The following KCNQ2 variants were observed in gnomAD, a reference collection of about 807,000 sequenced individuals.
The protein encoded by KCNQ2 is potassium voltage-gated channel subfamily KQT member 2.
Under a neutral mutation model 84.8 loss-of-function variants are expected in KCNQ2, and 14 were observed. The observed-to-expected ratio is 0.17, with a 90% CI of 0.11 to 0.26. KCNQ2 has a LOEUF of 0.26. Ranked by LOEUF, KCNQ2 falls within the 10% of genes least tolerant of loss-of-function variation. KCNQ2 has a pLI of 1.00. For synonymous variants in KCNQ2, 599 were observed against 554.1 expected (o/e 1.08, Z -1.14); for missense variants, 788 against 1,254.0 (o/e 0.63, Z 5.61).
intron 12 of KCNQ2, 30 bp from the exon 13 acceptor site, chr20:63,415,156 G>GACAGACAT (rs2145558515): frequency 6.3e-7 from 1 of 1,575,528 alleles, no homozygotes; most frequent in East Asian, 2.2e-5. Context: ...CAGACAGACA[G>GACAGACAT]AAAAACAGGG....
At chr20:63,433,591 A>G (rs2080894321) in intron 8 of KCNQ2, 4 of 842,174 alleles carry the variant, frequency 4.7e-6, no homozygotes, top group Non-Finnish European at 7.3e-6. Flanking sequence ...GATAAAGCAA[A>G]GGGGTGAGGA....
chr20:63,450,540 GGGGGAAGACTGCTGGGGGT>G (rs1429903370), intron 1 of KCNQ2, among the ~76,000 whole-genome samples: 6 of 104,500 alleles, frequency 5.7e-5, no homozygotes, highest in East Asian at 2.7e-4. Flanking sequence ...GCTGGGGGGT[GGGGGAAGACTGCTGGGGGT>G]GGGGGAAGAC....
At chr20:63,453,806 C>T (rs2081690134) in intron 1 of KCNQ2, 1 of 152,298 alleles carries the variant, frequency 6.6e-6, no homozygotes, top group Non-Finnish European at 1.5e-5. Flanking sequence ...CTGGGGAGGC[C>T]TGGCGAGAGA....
chr20:63,411,805 G>A, intron 15 of KCNQ2: 1 of 665,852 alleles, frequency 1.5e-6, no homozygotes, highest in Non-Finnish European at 2.7e-6. Flanking sequence ...CTCTCTCGGA[G>A]GGGCCGTGGG....
rs1397030117 is a variant in KCNQ2 at position 63,406,546 on chromosome 20, T to C, written c.*98A>G. 1.5e-6 allele frequency: 2 copies of C among 1,373,728 alleles called. No homozygotes were observed. The highest frequency in any genetic ancestry group is 1.9e-6 in the Non-Finnish European group (2 of 1,039,110). 85.1% of individuals were successfully genotyped at this position (1,373,728 alleles called of 1,614,324 possible). ...GGCCCACCCTTCCCGCCACACTCAG[T>C]TACTGTAAGAAAAGGGCCCCAGAGG... On this transcript the variant is annotated 3_prime_UTR_variant, in exon 17 of 17. Transcript: ENST00000359125.
intron 10 of KCNQ2, among the ~76,000 whole-genome samples, chr20:63,426,991 C>T (rs1431753583): frequency 2.0e-5 from 3 of 152,206 alleles, no homozygotes; most frequent in Non-Finnish European, 4.4e-5. Flanking sequence ...GAGGCCGAGA[C>T]GGGCAGAGCC....
Position 63,443,108 on chromosome 20 carries a change from C to T in KCNQ2, c.691-577G>A, listed in dbSNP as rs867956624. ...ACCATTATCACCACCATCACCATCA[C>T]CACCACCACTATCACCACCACCACC... is the stretch of plus-strand genomic sequence containing the variant. On this transcript the variant is annotated intron_variant, in intron 4 of 16. Coordinates refer to ENST00000359125, the MANE Select transcript of KCNQ2 (RefSeq NM_172107.4). Among the ~76,000 whole-genome samples the T allele has an allele frequency of 1.6e-3, 89 of 55,928 alleles. 4 individuals carry two copies. The highest frequency in any genetic ancestry group is 0.014 in the East Asian group (16 of 1,144). The allele number at this position is 55,928 out of a possible 152,430, so 36.7% of individuals were successfully genotyped here.
intron 10 of KCNQ2, among the ~76,000 whole-genome samples, chr20:63,426,553 A>C (rs954898695): frequency 6.6e-6 from 1 of 150,884 alleles, no homozygotes; most frequent in Non-Finnish European, 1.5e-5. Context: ...GCTGCTCTGA[A>C]TCTCCCTGTT....
rs747215441 is a variant in KCNQ2, at chr20:63,406,930, T to A, written c.2333A>T (p.Glu778Val). The A allele has an allele frequency of 1.9e-6, 3 of 1,601,126 alleles. No homozygotes were observed. Among genetic ancestry groups the A allele is most frequent in the Non-Finnish European group, 2.6e-6 (3 of 1,176,250 alleles). The change falls in exon 17 of 17, where the codon GAG (glutamate) becomes GTG (valine). Residue 778 changes from glutamate to valine, a missense_variant. By Grantham distance (121) the Glu-to-Val change is moderately radical. This residue lies in a region of KCNQ2 where 378 missense variants were observed against 434.5 expected (regional missense o/e 0.87). Coordinates refer to ENST00000359125, the MANE Select transcript of KCNQ2 (RefSeq NM_172107.4). The stretch of plus-strand genomic sequence containing the variant: ...CGTGTCGCTGTCCCGCAGGTTCCCC[T>A]CGGGGGGCCTGCAGCCCGGGGTGTC... Reference protein sequence around the residue: ...QEDTPGCRPPEGNLRDSDTSI... With the variant: ...QEDTPGCRPPVGNLRDSDTSI...
Position 63,401,124 on chromosome 20 carries a change from C to T in KCNQ2, c.*5520G>A. 2.7e-6 allele frequency: 1 copy of T among 369,732 alleles called. No individual in the cohort carries two copies. Among genetic ancestry groups the T allele is most frequent in the Non-Finnish European group, 4.8e-6 (1 of 208,006 alleles). 22.9% of individuals were successfully genotyped at this position (369,732 alleles called of 1,614,324 possible). Reference sequence around the variant, plus strand: ...GCCAGAGCCAGTCTCCTCGGCCAGCCAGGGGCACCACGGCAAGTGTCCAAG... The same window carrying T: ...GCCAGAGCCAGTCTCCTCGGCCAGCTAGGGGCACCACGGCAAGTGTCCAAG... On this transcript the variant is annotated 3_prime_UTR_variant, in exon 17 of 17. Coordinates refer to ENST00000359125, the MANE Select transcript of KCNQ2 (RefSeq NM_172107.4).
At chr20:63,428,913 T>C (rs1469875103) in intron 9 of KCNQ2, among the ~76,000 whole-genome samples, 1 of 152,140 alleles carries the variant, frequency 6.6e-6, no homozygotes, top group Non-Finnish European at 1.5e-5. Flanking sequence ...AGGATTCTGC[T>C]TGGCAAAGAG....
rs769646940 is a variant in KCNQ2 at position 63,407,244 on chromosome 20, C to T, written c.2019G>A (p.Pro673=). Residue 673 remains proline (P), a synonymous_variant, in exon 17 of 17, where the codon CCG becomes CCA. Transcript: ENST00000359125. The surrounding 1 kb of genome is among the most constrained non-coding windows in gnomAD (Gnocchi z 7.2). ...TGTCGACATGCTCCCGGCTGTCTTC[C>T]GGGCTGTGGTACGGCGGCGCCGGCT... The part of the protein sequence containing the change: ...EPEPAPPYHS[P]EDSREHVDRH... 1.2e-5 allele frequency: 20 copies of T among 1,601,908 alleles called. No individual in the cohort carries two copies. Among genetic ancestry groups the T allele is most frequent in the Non-Finnish European group, 1.7e-5 (20 of 1,179,096 alleles).
rs1162126073 is a variant in KCNQ2 at position 63,403,881 on chromosome 20, CG to C, written c.*2762del. The C allele has an allele frequency of 1.3e-5, 2 of 152,402 alleles. No individual in the cohort carries two copies. Among genetic ancestry groups the C allele is most frequent in the Non-Finnish European group, 2.9e-5 (2 of 68,070 alleles). The allele number at this position is 152,402 out of a possible 1,614,324, so 9.4% of individuals were successfully genotyped here. On this transcript the variant is annotated 3_prime_UTR_variant, in exon 17 of 17. Transcript: ENST00000359125. ...TCATTCACGCAGACACCCGAGGCAG[CG>C]CCGCACCACCTCCAGCCTCCTTCCC...
At chr20:63,431,859 G>C (rs993498443) in intron 8 of KCNQ2, among the ~76,000 whole-genome samples, 1 of 151,986 alleles carries the variant, frequency 6.6e-6, no homozygotes, top group African/African-American at 2.4e-5. Flanking sequence ...CACCCTCAGG[G>C]AAGGCCCCAC....
chr20:63,431,209 G>A lies in KCNQ2; in HGVS notation c.1148+131C>T, dbSNP rs868184397. The A allele has an allele frequency of 9.6e-5, 102 of 1,058,236 alleles. No individual in the cohort carries two copies. The East Asian group carries it at 1.4e-3, about 15-fold the overall frequency. The allele number at this position is 1,058,236 out of a possible 1,614,324, so 65.6% of individuals were successfully genotyped here. A position where few individuals can be genotyped will look rare whatever the true frequency, so the allele number is the denominator to read the frequency against. On this transcript the variant is annotated intron_variant, in intron 9 of 16. Transcript: ENST00000359125. Reference sequence around the variant, plus strand: ...CAGGGCAGGGGGCATAGGGATGCTCGGTGGGCAGGGACAGTGGTCACTCTG... The same window carrying A: ...CAGGGCAGGGGGCATAGGGATGCTCAGTGGGCAGGGACAGTGGTCACTCTG...
In KCNQ2 at chr20:63,407,898, G is replaced by C. The variant is rs2079998350; in HGVS notation, c.1887+515C>G. ...CGGTTGGGGCGTGTGTTCAGAGCCA[G>C]GCCCTCCTGCTGCCCACCGTGGAAC... On this transcript the variant is annotated intron_variant, in intron 16 of 16. Transcript: ENST00000359125. The surrounding 1 kb of genome is among the most constrained non-coding windows in gnomAD (Gnocchi z 7.2). 4 of 214,818 alleles carry C rather than the reference G, an allele frequency of 1.9e-5. No individual in the cohort carries two copies. The South Asian group carries it at 3.1e-4, about 16-fold the overall frequency. 13.3% of individuals were successfully genotyped at this position (214,818 alleles called of 1,614,324 possible). A position where few individuals can be genotyped will look rare whatever the true frequency, so the allele number is the denominator to read the frequency against.
chr20:63,400,874 C>T lies in KCNQ2; in HGVS notation c.*5770G>A. The T allele has an allele frequency of 5.0e-6, 2 of 398,420 alleles. No individual in the cohort carries two copies. The highest frequency in any genetic ancestry group is 8.9e-6 in the Non-Finnish European group (2 of 225,894). The allele number at this position is 398,420 out of a possible 1,614,324, so 24.7% of individuals were successfully genotyped here. A position where few individuals can be genotyped will look rare whatever the true frequency, so the allele number is the denominator to read the frequency against. ...GCCCCTCGCCCGCCCCACCTGTTCG[C>T]AGGGTCCAGGGCGTCCGTACCTGGC... On this transcript the variant is annotated 3_prime_UTR_variant, in exon 17 of 17. Coordinates refer to ENST00000359125, the MANE Select transcript of KCNQ2 (RefSeq NM_172107.4). The surrounding 1 kb of genome is among the most constrained non-coding windows in gnomAD (Gnocchi z 8.7).
At chr20:63,448,687 C>G (rs779298188) in intron 1 of KCNQ2, 1 of 152,354 alleles carries the variant, frequency 6.6e-6, no homozygotes, top group Non-Finnish European at 1.5e-5. Flanking sequence ...TCTCCCCACT[C>G]CCACAGAGGA....
In KCNQ2 at chr20:63,415,055, G is replaced by A. The variant is rs1206195455; in HGVS notation, c.1373C>T (p.Pro458Leu). 1.1e-5 allele frequency: 18 copies of A among 1,607,850 alleles called. No homozygotes were observed. The highest frequency in any genetic ancestry group is 1.6e-4 in the Middle Eastern group (1 of 6,062). ...TGACCGCCTCACAGTCTGGGCCTGCGGGGACCCCTTCCCCTTGGCAGCCAC... is the reference window on the plus strand; with the variant it reads ...TGACCGCCTCACAGTCTGGGCCTGCAGGGACCCCTTCCCCTTGGCAGCCAC... ...RGVAAKGKGS[P>L]QAQTVRRSPS... is the part of the protein sequence containing the mutation. Residue 458 changes from proline to leucine, a missense_variant, in exon 13 of 17, where the codon CCG becomes CTG. Coordinates refer to ENST00000359125, the MANE Select transcript of KCNQ2 (RefSeq NM_172107.4).
Sources: gnomAD v4.1 joint callset for allele counts (sites outside exome capture counted in the v4.1 genomes callset) on GRCh38, gnomAD v4.1.1 for gene constraint, gnomAD v4.1.1 regional missense constraint, Gnocchi (gnomAD v3.1) non-coding constraint, MANE v1.5 for transcripts, NCBI Gene and HGNC (gene_info 2026-07-23, HGNC 2026-07-21) for gene names.